LRP1B: variants seen among roughly 807,000 people sequenced by gnomAD.
LRP1B encodes the protein low-density lipoprotein receptor-related protein 1B.
In LRP1B, 217 loss-of-function variants were observed where a neutral mutation model predicts 556.6. The ratio of observed to expected loss-of-function variants is 0.39; its 90% CI spans 0.35 to 0.44. The LOEUF is 0.44. Among genes scored for constraint, LRP1B ranks in the 20% least tolerant of loss-of-function variants. The probability of loss-of-function intolerance (pLI) is 1.00; values close to 1 mark genes in which losing one functional copy is unlikely to be tolerated. For synonymous variants in LRP1B, 2,047 were observed against 1,865.8 expected (o/e 1.10, Z -2.50); for missense variants, 5,053 against 5,620.8 (o/e 0.90, Z 3.23).
chr2:140,991,313 G>A (rs1274562182), intron 16 of LRP1B, among the ~76,000 whole-genome samples: 3 of 152,116 alleles, frequency 2.0e-5, no homozygotes, highest in Non-Finnish European at 2.9e-5. Flanking sequence ...AAACACTGAA[G>A]GAATAGAAAG....
chr2:141,517,901 C>G (rs1417422437), intron 2 of LRP1B, among the ~76,000 whole-genome samples: 1 of 152,084 alleles, frequency 6.6e-6, no homozygotes, highest in African/African-American at 2.4e-5. Flanking sequence ...TTGAAGCAAA[C>G]TTTATACTGG....
Position 140,501,730 on chromosome 2 carries a change from C to A in LRP1B, c.8807G>T (p.Ser2936Ile). ...HINECLSKKV[S>I]GCSQDCQDLP... ...GTCTTGACAGTCTTGAGAACATCCA[C>A]TGACTTTCTTACTCAAACATTCATT... is the stretch of plus-strand genomic sequence containing the variant. The change falls in exon 55 of 91, where the codon AGT becomes ATT. Residue 2936 changes from serine (S) to isoleucine (I), a missense_variant. Ser to Ile is a moderately radical substitution (Grantham distance 142). Transcript: ENST00000389484. 1 of 1,612,622 alleles carries A rather than the reference C, an allele frequency of 6.2e-7. No homozygotes were observed. Among genetic ancestry groups the A allele is most frequent in the Non-Finnish European group, 8.5e-7 (1 of 1,179,074 alleles).
At chr2:141,595,530 G>GA (rs1445397447) in intron 2 of LRP1B, among the ~76,000 whole-genome samples, 1 of 152,026 alleles carries the variant, frequency 6.6e-6, no homozygotes, top group Non-Finnish European at 1.5e-5. Flanking sequence ...ATACTAAGCA[G>GA]AAAAATATGA....
At chr2:142,122,432 A>T (rs1307367562) in intron 1 of LRP1B, among the ~76,000 whole-genome samples, 3 of 152,146 alleles carry the variant, frequency 2.0e-5, no homozygotes, top group Non-Finnish European at 4.4e-5. Flanking sequence ...TAAATTCAAC[A>T]TTTAGATTTA....
intron 5 of LRP1B, among the ~76,000 whole-genome samples, chr2:141,233,223 G>A (rs1397646510): frequency 6.6e-6 from 1 of 152,164 alleles, no homozygotes; most frequent in African/African-American, 2.4e-5. Flanking sequence ...CCACATAGAA[G>A]ATACTGAAGC....
chr2:141,126,114 C>A (rs192992212), intron 7 of LRP1B, among the ~76,000 whole-genome samples: 7 of 151,878 alleles, frequency 4.6e-5, no homozygotes, highest in Non-Finnish European at 8.8e-5. Context: ...TCACTGCAAC[C>A]TCTGCCTCCC....
chr2:141,508,537 A>C (rs1200817139), intron 2 of LRP1B, among the ~76,000 whole-genome samples: 2 of 152,164 alleles, frequency 1.3e-5, no homozygotes, highest in African/African-American at 4.8e-5. Flanking sequence ...TCAAATCTAC[A>C]TAGCTAGTGA....
At chr2:140,608,416 C>T (rs941089773) in intron 41 of LRP1B, among the ~76,000 whole-genome samples, 2 of 152,144 alleles carry the variant, frequency 1.3e-5, no homozygotes, top group Non-Finnish European at 2.9e-5. Flanking sequence ...TGCTACTTTT[C>T]GTGATCGTGG....
At chr2:141,683,321 T>C (rs920688857) in intron 2 of LRP1B, among the ~76,000 whole-genome samples, 9 of 152,116 alleles carry the variant, frequency 5.9e-5, no homozygotes, top group Non-Finnish European at 1.3e-4. Context: ...TGAGAGGGCT[T>C]ACAAGAAACT....
intron 1 of LRP1B, among the ~76,000 whole-genome samples, chr2:141,886,466 A>G (rs1028976239): frequency 6.6e-6 from 1 of 152,152 alleles, no homozygotes; most frequent in Admixed American, 6.5e-5. Context: ...GACACTCCCT[A>G]TATATTTCAT....
chr2:141,968,744 T>C (rs1574543381), intron 1 of LRP1B, among the ~76,000 whole-genome samples: 3 of 151,776 alleles, frequency 2.0e-5, no homozygotes, highest in Non-Finnish European at 3.0e-5. Context: ...CGTGTTACTA[T>C]ACATGTGCCC....
chr2:141,892,800 T>A (rs1003093410), intron 1 of LRP1B, among the ~76,000 whole-genome samples: 2 of 152,052 alleles, frequency 1.3e-5, no homozygotes, highest in Non-Finnish European at 2.9e-5. Flanking sequence ...CGCTAAAAAG[T>A]TTAATAAAAA....
intron 63 of LRP1B, among the ~76,000 whole-genome samples, chr2:140,446,224 C>T (rs1287377182): frequency 6.6e-6 from 1 of 151,962 alleles, no homozygotes; most frequent in African/African-American, 2.4e-5. Context: ...CCTTTGCTTT[C>T]GAAACAACCC....
chr2:141,180,751 G>T (rs1490542846), intron 7 of LRP1B, among the ~76,000 whole-genome samples: 1 of 151,826 alleles, frequency 6.6e-6, no homozygotes, highest in African/African-American at 2.4e-5. Context: ...TTCTTGAAAA[G>T]AGATAAGAAA....
At chr2:140,688,877 A>G (rs1449287522) in intron 41 of LRP1B, among the ~76,000 whole-genome samples, 4 of 152,174 alleles carry the variant, frequency 2.6e-5, no homozygotes, top group Admixed American at 1.3e-4. Context: ...ATCCAGCACC[A>G]TCTGACCCAC....
intron 20 of LRP1B, among the ~76,000 whole-genome samples, chr2:140,933,891 T>C (rs1353789149): frequency 6.6e-6 from 1 of 152,118 alleles, no homozygotes; most frequent in Non-Finnish European, 1.5e-5. Flanking sequence ...GTCTTTACTT[T>C]TGATGTAAAG....
chr2:141,035,092 C>T (rs1367767223), intron 11 of LRP1B, among the ~76,000 whole-genome samples: 10 of 151,670 alleles, frequency 6.6e-5, no homozygotes, highest in Non-Finnish European at 1.3e-4. Flanking sequence ...TCATTCTCAG[C>T]AAACTATCGC....
chr2:141,620,335 C>G (rs762236090), intron 2 of LRP1B, among the ~76,000 whole-genome samples: 4 of 152,214 alleles, frequency 2.6e-5, no homozygotes, highest in Non-Finnish European at 5.9e-5. Flanking sequence ...TACACTGTCC[C>G]TCTCTTTGAA....
At chr2:140,601,676 AT>A in intron 41 of LRP1B, 37 bp from the exon 42 acceptor site, 1 of 1,446,086 alleles carries the variant, frequency 6.9e-7, no homozygotes, top group South Asian at 1.4e-5. Context: ...ATATACTTTT[AT>A]TTACAAAAAA....
Sources: allele counts gnomAD v4.1 joint callset (sites outside exome capture counted in the v4.1 genomes callset), GRCh38; gene constraint gnomAD v4.1.1; transcripts MANE v1.5; gene names NCBI Gene and HGNC (gene_info 2026-07-23, HGNC 2026-07-21).